The following NUP160 variants were observed in gnomAD, a reference collection of about 807,000 sequenced individuals.
The protein encoded by NUP160 is nucleoporin 160.
A neutral mutation model predicts 196.9 loss-of-function variants in NUP160; 94 were observed. The observed-to-expected ratio is 0.48, with a 90% CI of 0.40 to 0.57. The LOEUF (loss-of-function observed/expected upper bound fraction) is 0.57. NUP160 is among the 20% of genes least tolerant of loss of function. The pLI is 0.00. For missense variants in NUP160, 1,638 were observed against 1,748.3 expected, an observed-to-expected ratio of 0.94 and a Z score of 1.13; for synonymous variants, 605 against 619.7, an observed-to-expected ratio of 0.98 and a Z score of 0.35.
intron 23 of NUP160, among the ~76,000 whole-genome samples, chr11:47,801,503 C>T (rs1200773254): frequency 6.6e-6 from 1 of 152,102 alleles, no homozygotes; most frequent in African/African-American, 2.4e-5. Context: ...GCACCCGCCA[C>T]CACGCCAGGC....
At chr11:47,810,792 C>T (rs1231920412) in intron 17 of NUP160, among the ~76,000 whole-genome samples, 1 of 152,038 alleles carries the variant, frequency 6.6e-6, no homozygotes, top group African/African-American at 2.4e-5. Context: ...GTGATCTGCC[C>T]ACCTCAGCCT....
chr11:47,792,263 T>C (rs771829072), intron 28 of NUP160: 56 of 364,028 alleles, frequency 1.5e-4, no homozygotes, highest in Non-Finnish European at 2.3e-4. Flanking sequence ...TCCAGAGTTA[T>C]ATATAACAGA....
intron 2 of NUP160, 111 bp downstream of exon 2, chr11:47,847,737 C>CT: frequency 1.4e-6 from 1 of 714,878 alleles, no homozygotes; most frequent in Non-Finnish European, 2.5e-6. Context: ...CAATCTTTCT[C>CT]TTTCCCTAAG....
At chr11:47,816,775 CA>C (rs1449451121) in intron 11 of NUP160, among the ~76,000 whole-genome samples, 21 of 29,676 alleles carry the variant, frequency 7.1e-4, no homozygotes, top group Non-Finnish European at 1.6e-3. Context: ...GACCCTGCCT[CA>C]AAGGGAAAAA....
chr11:47,837,453 G>C (rs1565209165), intron 5 of NUP160, 92 bp downstream of exon 5: 1 of 946,374 alleles, frequency 1.1e-6, no homozygotes, highest in Non-Finnish European at 1.7e-6. Flanking sequence ...TATAATGTTT[G>C]CCTTGGAATA....
rs1229180103 is a variant in NUP160 at position 47,815,666 on chromosome 11, G to C, written c.1516-17C>G. 6.4e-7 allele frequency: 1 copy of C among 1,561,968 alleles called. No homozygotes were observed. The highest frequency in any genetic ancestry group is 1.4e-5 in the African/African-American group (1 of 72,474). ...TCCTTGAAGCTGGCAAAGAAGAAAT[G>C]AAAGAAATTAAACTTTTGATGCCAT... On this transcript the variant is annotated splice_polypyrimidine_tract_variant and intron_variant, in intron 12 of 35. Coordinates refer to ENST00000378460, the Ensembl canonical transcript of NUP160.
At chr11:47,798,717 C>A (rs1005864777) in intron 23 of NUP160, among the ~76,000 whole-genome samples, 7 of 151,850 alleles carry the variant, frequency 4.6e-5, no homozygotes, top group Non-Finnish European at 8.8e-5. Context: ...GTAGTTGTAG[C>A]GACTTGGGAG....
At chr11:47,793,722 G>GTTTTTT (rs750497969) in intron 27 of NUP160, among the ~76,000 whole-genome samples, 6 of 87,676 alleles carry the variant, frequency 6.8e-5, no homozygotes, top group African/African-American at 2.6e-4. Context: ...TAAGATATCT[G>GTTTTTT]TTTTTTTTTT....
chr11:47,841,037 A>T (rs1188924176), intron 2 of NUP160, among the ~76,000 whole-genome samples: 1 of 149,418 alleles, frequency 6.7e-6, no homozygotes, highest in Non-Finnish European at 1.5e-5. Flanking sequence ...CACACAGAAT[A>T]GCAATTTTAT....
chr11:47,796,623 G>A (rs549735617), intron 27 of NUP160, among the ~76,000 whole-genome samples: 43 of 152,224 alleles, frequency 2.8e-4, no homozygotes, highest in Non-Finnish European at 4.4e-5. Context: ...TATTCACTGC[G>A]TTAATGTTTT....
chr11:47,840,055 A>G (rs1321110990), exon 4 of NUP160: 4 of 1,611,626 alleles, frequency 2.5e-6, no homozygotes, highest in Non-Finnish European at 3.4e-6. Context: ...CTGACTGTCA[A>G]CTACCAACTC....
intron 17 of NUP160, among the ~76,000 whole-genome samples, chr11:47,809,421 T>C (rs533067088): frequency 1.3e-5 from 2 of 151,894 alleles, no homozygotes; most frequent in Admixed American, 1.3e-4. Context: ...CAAATTCTAG[T>C]TTTTAGAACT....
chr11:47,841,355 G>T, intron 2 of NUP160: 1 of 399,434 alleles, frequency 2.5e-6, no homozygotes, highest in Non-Finnish European at 4.9e-6. Flanking sequence ...CATATTCGTG[G>T]TACCTGTCCA....
chr11:47,808,606 G>A (rs1467723384), intron 17 of NUP160, 77 bp from the exon 18 acceptor site: 27 of 1,230,310 alleles, frequency 2.2e-5, no homozygotes, highest in Non-Finnish European at 3.1e-5. Flanking sequence ...TCAGGTGGAG[G>A]TAAAATAAAA....
intron 7 of NUP160, among the ~76,000 whole-genome samples, chr11:47,831,094 C>T (rs989449144): frequency 5.3e-5 from 8 of 151,818 alleles, no homozygotes; most frequent in South Asian, 2.1e-4. Context: ...ACCTGGGAGG[C>T]GGAGGTTGCA....
chr11:47,795,948 T>G (rs996022813), intron 27 of NUP160, among the ~76,000 whole-genome samples: 2 of 151,764 alleles, frequency 1.3e-5, no homozygotes, highest in African/African-American at 2.4e-5. Flanking sequence ...GGTCAGGAGT[T>G]CAAGACCAGC....
At chr11:47,796,644 T>C (rs2097671043) in intron 27 of NUP160, among the ~76,000 whole-genome samples, 1 of 152,232 alleles carries the variant, frequency 6.6e-6, no homozygotes. Context: ...AACTTTTCTG[T>C]AGACTTGACA....
At chr11:47,827,333 C>A in intron 7 of NUP160, 6 of 282,370 alleles carry the variant, frequency 2.1e-5, no homozygotes, top group East Asian at 1.1e-4. Context: ...CACTGCACTC[C>A]AACTTGGGTG....
intron 7 of NUP160, among the ~76,000 whole-genome samples, chr11:47,831,642 C>T (rs1254974178): frequency 6.6e-6 from 1 of 151,646 alleles, no homozygotes; most frequent in Non-Finnish European, 1.5e-5. Context: ...TCAGGAGAGA[C>T]CAGCCTGGCC....
Sources: gnomAD v4.1 joint callset for allele counts (sites outside exome capture counted in the v4.1 genomes callset) on GRCh38, gnomAD v4.1.1 for gene constraint, MANE v1.5 for transcripts, NCBI Gene and HGNC (gene_info 2026-07-23, HGNC 2026-07-21) for gene names.